DOCK3: variants seen among roughly 807,000 people sequenced by gnomAD.
DOCK3 encodes dedicator of cytokinesis 3.
A neutral mutation model predicts 265.6 loss-of-function variants in DOCK3; 60 were observed. The ratio of observed to expected loss-of-function variants is 0.23; its 90% CI spans 0.18 to 0.28. DOCK3 has a LOEUF of 0.28. DOCK3 is among the 10% of genes least tolerant of loss of function. The pLI, the probability that DOCK3 is intolerant of heterozygous loss-of-function variation, is 1.00. For synonymous variants in DOCK3, 881 were observed against 938.0 expected (o/e 0.94, Z 1.11); for missense variants, 1,981 against 2,594.3 (o/e 0.76, Z 5.14).
At chr3:51,317,688 A>C (rs2083450511) in intron 32 of DOCK3, among the ~76,000 whole-genome samples, 1 of 150,994 alleles carries the variant, frequency 6.6e-6, no homozygotes, top group African/African-American at 2.4e-5. Flanking sequence ...AAATTAGGTG[A>C]GGTGACAGAT....
intron 4 of DOCK3, among the ~76,000 whole-genome samples, chr3:50,904,232 T>C (rs7625435): frequency 0.058 from 8,762 of 152,280 alleles, 892 homozygotes; most frequent in African/African-American, 0.2. Flanking sequence ...TACGTGTGCA[T>C]GTGTCTTTAT....
rs1553618455 is a variant in DOCK3 at position 51,381,201 on chromosome 3, A to T, written c.5735A>T (p.Asp1912Val). ...GHSSEAPPRT[D>V]TMDSMPSQAW... ...TCCTCGGAGGCCCCACCTCGCACTG[A>T]CACCATGGACTCCATGCCAAGTCAG... is the stretch of plus-strand genomic sequence containing the variant. Residue 1912 changes from aspartate to valine, a missense_variant, in exon 53 of 53, where the codon GAC becomes GTC. Physicochemically the swap from Asp to Val is radical, Grantham distance 152. Coordinates refer to ENST00000266037, the MANE Select transcript of DOCK3 (RefSeq NM_004947.5). The surrounding 1 kb of genome is among the most constrained non-coding windows in gnomAD (Gnocchi z 5.6). 2.5e-6 allele frequency: 4 copies of T among 1,613,776 alleles called. No homozygotes were observed. The Admixed American group carries it at 6.7e-5, about 27-fold the overall frequency.
intron 2 of DOCK3, among the ~76,000 whole-genome samples, chr3:50,806,165 G>T (rs866366728): frequency 6.6e-6 from 1 of 152,082 alleles, no homozygotes; most frequent in Non-Finnish European, 1.5e-5. Flanking sequence ...AAATACAACT[G>T]CCCAGCAGGC....
intron 14 of DOCK3, among the ~76,000 whole-genome samples, chr3:51,218,794 G>A (rs576200748): frequency 4.6e-5 from 7 of 152,160 alleles, no homozygotes; most frequent in Admixed American, 1.3e-4. Flanking sequence ...AGTGGTTGCC[G>A]AACCTCAGTG....
chr3:51,303,217 T>G (rs1576719272), intron 27 of DOCK3, among the ~76,000 whole-genome samples: 1 of 152,298 alleles, frequency 6.6e-6, no homozygotes, highest in South Asian at 2.1e-4. Context: ...TTGATACTTG[T>G]GTTTACACTG....
chr3:50,992,260 C>T (rs532840931), intron 5 of DOCK3, among the ~76,000 whole-genome samples: 4 of 152,254 alleles, frequency 2.6e-5, no homozygotes, highest in East Asian at 1.9e-4. Context: ...TGAAGGAAAT[C>T]GAGATGTGAA....
At chr3:50,751,995 A>G (rs1022025433) in intron 1 of DOCK3, among the ~76,000 whole-genome samples, 7 of 152,100 alleles carry the variant, frequency 4.6e-5, no homozygotes, top group Admixed American at 1.3e-4. Flanking sequence ...CTCTTCCTAG[A>G]CATGTGGGGA....
chr3:50,811,756 AAG>A (rs1219028694), intron 2 of DOCK3, among the ~76,000 whole-genome samples: 5 of 152,222 alleles, frequency 3.3e-5, no homozygotes, highest in African/African-American at 1.2e-4. Context: ...ATGAATAAAA[AAG>A]AATAGAATAA....
chr3:50,731,022 C>T (rs1385673834), intron 1 of DOCK3, among the ~76,000 whole-genome samples: 1 of 151,146 alleles, frequency 6.6e-6, no homozygotes, highest in African/African-American at 2.4e-5. Context: ...GTCCCAGCTA[C>T]TTGGGAGGCT....
At chr3:51,183,844 T>A (rs547082595) in intron 12 of DOCK3, among the ~76,000 whole-genome samples, 2 of 152,286 alleles carry the variant, frequency 1.3e-5, no homozygotes, top group East Asian at 3.9e-4. Context: ...TAGCTTAATA[T>A]AGGCACATAC....
chr3:50,888,975 T>C (rs1270657256), intron 3 of DOCK3, among the ~76,000 whole-genome samples: 1 of 151,906 alleles, frequency 6.6e-6, no homozygotes, highest in Non-Finnish European at 1.5e-5. Context: ...AATACAAAAC[T>C]CATTACTGTA....
chr3:51,245,126 C>T (rs946393728), intron 21 of DOCK3, among the ~76,000 whole-genome samples: 16 of 151,956 alleles, frequency 1.1e-4, no homozygotes, highest in African/African-American at 3.4e-4. Flanking sequence ...GCTAGGAGTT[C>T]GAGACCAGCC....
intron 3 of DOCK3, among the ~76,000 whole-genome samples, chr3:50,852,336 A>G (rs2046385867): frequency 6.6e-6 from 1 of 152,210 alleles, no homozygotes; most frequent in African/African-American, 2.4e-5. Flanking sequence ...CATTCTAAAT[A>G]CTAGTCCTTC....
intron 1 of DOCK3, among the ~76,000 whole-genome samples, chr3:50,705,805 G>A (rs1018300501): frequency 6.6e-6 from 1 of 152,262 alleles, no homozygotes; most frequent in East Asian, 1.9e-4. Flanking sequence ...TGAGGCAGGT[G>A]GATCACTTGA....
intron 52 of DOCK3, among the ~76,000 whole-genome samples, chr3:51,380,586 G>A (rs1195843065): frequency 6.6e-6 from 1 of 152,198 alleles, no homozygotes; most frequent in African/African-American, 2.4e-5. Flanking sequence ...TTCAGTAAAA[G>A]CAAGAACTTT....
At chr3:50,886,232 T>C (rs1467368836) in intron 3 of DOCK3, among the ~76,000 whole-genome samples, 1 of 145,184 alleles carries the variant, frequency 6.9e-6, no homozygotes, top group Non-Finnish European at 1.5e-5. Flanking sequence ...AGGTATGCAC[T>C]AGGTGTTATT....
At chr3:51,037,028 A>G (rs2080297665) in intron 5 of DOCK3, among the ~76,000 whole-genome samples, 1 of 152,176 alleles carries the variant, frequency 6.6e-6, no homozygotes, top group African/African-American at 2.4e-5. Flanking sequence ...AGTCTCAGGT[A>G]TGTCTTTATC....
chr3:50,789,196 T>C (rs2042341313), intron 2 of DOCK3, among the ~76,000 whole-genome samples: 1 of 152,200 alleles, frequency 6.6e-6, no homozygotes. Flanking sequence ...TATTATGCAG[T>C]TCAAATAACT....
chr3:51,175,759 A>C (rs2086905761), intron 12 of DOCK3, among the ~76,000 whole-genome samples: 1 of 152,172 alleles, frequency 6.6e-6, no homozygotes, highest in African/African-American at 2.4e-5. Context: ...TCCTTTTGGT[A>C]CAGAGAAAAG....
Sources: allele counts gnomAD v4.1 joint callset (sites outside exome capture counted in the v4.1 genomes callset), GRCh38; gene constraint gnomAD v4.1.1; non-coding constraint Gnocchi (gnomAD v3.1); transcripts MANE v1.5; gene names NCBI Gene and HGNC (gene_info 2026-07-23, HGNC 2026-07-21).